Variants in KIRREL3 observed in about 807,000 individuals in gnomAD.
KIRREL3 encodes the protein kirre like nephrin family adhesion molecule 3.
Under a neutral mutation model 89.7 loss-of-function variants are expected in KIRREL3, and 36 were observed. The ratio of observed to expected loss-of-function variants is 0.40; its 90% CI spans 0.31 to 0.53. KIRREL3 has a LOEUF of 0.53. KIRREL3 is among the 20% of genes least tolerant of loss of function. The pLI is 0.49. For missense variants in KIRREL3, 864 were observed against 1,056.6 expected (o/e 0.82, Z 2.53); for synonymous variants, 445 against 441.4 (o/e 1.01, Z -0.10).
Position 126,430,211 on chromosome 11 carries a change from G to A in KIRREL3, c.1697-923C>T, listed in dbSNP as rs1290038768. On this transcript the variant is annotated intron_variant, in intron 14 of 16. Transcript: ENST00000525144. This position sits in a 1 kb window ranked among gnomAD's most constrained non-coding sequence, Gnocchi z 6.6. ...TGTAATCCCAGCACATTGGGAGGCCGAGGAAGGCGGACCACTTGAGGCCAG... is the reference window on the plus strand; with the variant it reads ...TGTAATCCCAGCACATTGGGAGGCCAAGGAAGGCGGACCACTTGAGGCCAG... Among the ~76,000 whole-genome samples the A allele has an allele frequency of 7.2e-5, 11 of 151,816 alleles. No homozygotes were observed. The highest frequency in any genetic ancestry group is 2.0e-4 in the Admixed American group (3 of 15,262).
chr11:126,490,963 AG>A lies in KIRREL3; in HGVS notation c.434-17498del, dbSNP rs1289209176. ...GGATCCACAGCCCACCTGCACGAGGAGGGGGCGTTTGGAGGGTGGAGGAGAG... is the reference window on the plus strand; with the variant it reads ...GGATCCACAGCCCACCTGCACGAGGAGGGGCGTTTGGAGGGTGGAGGAGAG... On this transcript the variant is annotated intron_variant, in intron 4 of 16. Coordinates refer to ENST00000525144, the MANE Select transcript of KIRREL3 (RefSeq NM_032531.4). The surrounding 1 kb of genome is among the most constrained non-coding windows in gnomAD (Gnocchi z 4.2). Among the ~76,000 whole-genome samples, 2 of 152,082 alleles carry A rather than the reference AG, an allele frequency of 1.3e-5. No homozygotes were observed. Among genetic ancestry groups the A allele is most frequent in the African/African-American group, 4.8e-5 (2 of 41,402 alleles).
chr11:126,540,943 G>T (rs902755244), intron 2 of KIRREL3, among the ~76,000 whole-genome samples: 1 of 152,190 alleles, frequency 6.6e-6, no homozygotes, highest in African/African-American at 2.4e-5. Context: ...CACTGAGCCG[G>T]CACCTTGGGA....
chr11:126,837,084 C>T lies in KIRREL3; in HGVS notation c.55+163371G>A, dbSNP rs575893451. ...GAACTAACAAACAGCTTCAGAGTAG[C>T]GTGGTTTAGAGGAAAGAATAGAACT... On this transcript the variant is annotated intron_variant, in intron 1 of 16. Transcript: ENST00000525144. The surrounding 1 kb of genome is among the most constrained non-coding windows in gnomAD (Gnocchi z 4.7). Among the ~76,000 whole-genome samples the T allele has an allele frequency of 9.3e-4, 142 of 152,118 alleles. 2 individuals carry two copies. The highest frequency in any genetic ancestry group is 3.0e-3 in the African/African-American group (126 of 41,480).
chr11:126,492,991 G>A lies in KIRREL3; in HGVS notation c.434-19525C>T, dbSNP rs1347823579. On this transcript the variant is annotated intron_variant, in intron 4 of 16. Coordinates refer to ENST00000525144, the MANE Select transcript of KIRREL3 (RefSeq NM_032531.4). This position sits in a 1 kb window ranked among gnomAD's most constrained non-coding sequence, Gnocchi z 4.8. The stretch of plus-strand genomic sequence containing the variant: ...AAGGCCGTAGAACAGCCTCGGTGCT[G>A]CGGCTAACTGACAGGGGGCAGGAAT... Among the ~76,000 whole-genome samples, 2 of 152,240 alleles carry A rather than the reference G, an allele frequency of 1.3e-5. No homozygotes were observed. Among genetic ancestry groups the A allele is most frequent in the Non-Finnish European group, 2.9e-5 (2 of 68,044 alleles).
rs1445404570 is a variant in KIRREL3 at position 126,475,378 on chromosome 11, G to C, written c.434-1912C>G. Among the ~76,000 whole-genome samples the C allele has an allele frequency of 2.0e-5, 3 of 152,256 alleles. No homozygotes were observed. Among genetic ancestry groups the C allele is most frequent in the Non-Finnish European group, 2.9e-5 (2 of 68,044 alleles). ...TTCTGTGAAAGCTCCAGGAGGGACA[G>C]GAAGCCCCAGTGGGGGCCGGTAAGA... On this transcript the variant is annotated intron_variant, in intron 4 of 16. Transcript: ENST00000525144. The surrounding 1 kb of genome is among the most constrained non-coding windows in gnomAD (Gnocchi z 7.5).
rs886603570 is a variant in KIRREL3 at position 126,677,502 on chromosome 11, A to G, written c.56-114590T>C. On this transcript the variant is annotated intron_variant, in intron 1 of 16. Transcript: ENST00000525144. The surrounding 1 kb of genome is among the most constrained non-coding windows in gnomAD (Gnocchi z 5.1). Reference sequence around the variant, plus strand: ...AAGCCAGCCTTATCAACCCCATTTTAGTTGAGAGTGCTGAGGTTCGGAGGT... The same window carrying G: ...AAGCCAGCCTTATCAACCCCATTTTGGTTGAGAGTGCTGAGGTTCGGAGGT... Among the ~76,000 whole-genome samples, 1 of 152,066 alleles carries G rather than the reference A, an allele frequency of 6.6e-6. No homozygotes were observed. The highest frequency in any genetic ancestry group is 1.5e-5 in the Non-Finnish European group (1 of 68,010).
intron 4 of KIRREL3, among the ~76,000 whole-genome samples, chr11:126,510,363 C>CT (rs1958177809): frequency 6.6e-6 from 1 of 152,126 alleles, no homozygotes; most frequent in African/African-American, 2.4e-5. Context: ...AAGCTTACTA[C>CT]TTAACTGAAC....
chr11:126,692,509 C>T (rs1230966739), intron 1 of KIRREL3, among the ~76,000 whole-genome samples: 1 of 115,148 alleles, frequency 8.7e-6, no homozygotes, highest in Non-Finnish European at 1.6e-5. Flanking sequence ...TGCACCAATG[C>T]ACTCCAGCCT....
In KIRREL3 at chr11:126,811,329, C is replaced by T. The variant is rs145839944; in HGVS notation, c.55+189126G>A. The stretch of plus-strand genomic sequence containing the variant: ...GAACCGAGTGACTGTTATGGAGCTA[C>T]GAGGTCCTTGTCTGAATTCTCCGTG... On this transcript the variant is annotated intron_variant, in intron 1 of 16. Coordinates refer to ENST00000525144, the MANE Select transcript of KIRREL3 (RefSeq NM_032531.4). This position sits in a 1 kb window ranked among gnomAD's most constrained non-coding sequence, Gnocchi z 4.3. Among the ~76,000 whole-genome samples, 27 of 152,304 alleles carry T rather than the reference C, an allele frequency of 1.8e-4. No individual in the cohort carries two copies. In the East Asian group the frequency reaches 4.3e-3, roughly 24 times the overall value.
chr11:126,448,322 G>T (rs1955903950), intron 8 of KIRREL3, among the ~76,000 whole-genome samples: 1 of 151,272 alleles, frequency 6.6e-6, no homozygotes, highest in Non-Finnish European at 1.5e-5. Flanking sequence ...GAAAAAGAAG[G>T]TACGTCCGTG....
chr11:126,573,855 C>G (rs1480749632), intron 1 of KIRREL3, among the ~76,000 whole-genome samples: 1 of 151,992 alleles, frequency 6.6e-6, no homozygotes, highest in East Asian at 1.9e-4. Flanking sequence ...AGCAGATCCG[C>G]GGGGGGACCT....
At chr11:126,810,736 T>C (rs1291281827) in intron 1 of KIRREL3, among the ~76,000 whole-genome samples, 2 of 152,148 alleles carry the variant, frequency 1.3e-5, no homozygotes, top group Non-Finnish European at 2.9e-5. Flanking sequence ...AAAATGGGCA[T>C]CTGTTTGGAG....
Position 126,996,158 on chromosome 11 carries a change from C to T in KIRREL3, c.55+4297G>A, listed in dbSNP as rs180868279. Among the ~76,000 whole-genome samples the T allele has an allele frequency of 3.0e-4, 45 of 152,292 alleles. No homozygotes were observed. Among genetic ancestry groups the T allele is most frequent in the Non-Finnish European group, 5.4e-4 (37 of 68,018 alleles). On this transcript the variant is annotated intron_variant, in intron 1 of 16. Coordinates refer to ENST00000525144, the MANE Select transcript of KIRREL3 (RefSeq NM_032531.4). This position sits in a 1 kb window ranked among gnomAD's most constrained non-coding sequence, Gnocchi z 4.7. ...ACAGACATGCCCCAGTTTCCCCACC[C>T]GAAGATTTGTTAAAGAAGTGGTCCC... is the stretch of plus-strand genomic sequence containing the variant.
rs939455664 is a variant in KIRREL3, at chr11:126,946,640, G to C, written c.55+53815C>G. On this transcript the variant is annotated intron_variant, in intron 1 of 16. Coordinates refer to ENST00000525144, the MANE Select transcript of KIRREL3 (RefSeq NM_032531.4). This position sits in a 1 kb window ranked among gnomAD's most constrained non-coding sequence, Gnocchi z 4.1. ...AAAATATGTCCCAATATCCATAACA[G>C]GAAGGACATTACTTCATAATAAGAT... 3.3e-5 allele frequency among the ~76,000 whole-genome samples: 5 copies of C among 152,072 alleles called. No homozygotes were observed. The East Asian group carries it at 9.6e-4, about 29-fold the overall frequency.
chr11:126,923,280 TCCTTC>T (rs1447503712), intron 1 of KIRREL3, among the ~76,000 whole-genome samples: 1 of 129,094 alleles, frequency 7.7e-6, no homozygotes, highest in East Asian at 2.3e-4. Context: ...CTTCTCCTTC[TCCTTC>T]TCCTTCTCCT....
At chr11:126,933,218 C>T (rs1948029811) in intron 1 of KIRREL3, among the ~76,000 whole-genome samples, 1 of 152,124 alleles carries the variant, frequency 6.6e-6, no homozygotes, top group African/African-American at 2.4e-5. Flanking sequence ...AACAATACTC[C>T]ATCTCCTGTC....
intron 1 of KIRREL3, among the ~76,000 whole-genome samples, chr11:126,787,381 C>T (rs1401031742): frequency 6.6e-6 from 1 of 152,164 alleles, no homozygotes; most frequent in African/African-American, 2.4e-5. Flanking sequence ...TAATTTAAAT[C>T]ATTGCCAAAT....
rs1444061649 is a variant in KIRREL3, at chr11:126,807,520, T to C, written c.55+192935A>G. Among the ~76,000 whole-genome samples, 1 of 152,122 alleles carries C rather than the reference T, an allele frequency of 6.6e-6. No individual in the cohort carries two copies. The highest frequency in any genetic ancestry group is 2.4e-5 in the African/African-American group (1 of 41,404). On this transcript the variant is annotated intron_variant, in intron 1 of 16. Coordinates refer to ENST00000525144, the MANE Select transcript of KIRREL3 (RefSeq NM_032531.4). This position sits in a 1 kb window ranked among gnomAD's most constrained non-coding sequence, Gnocchi z 4.3. Reference sequence around the variant, plus strand: ...TAAAAATATAAAAAGTCACCCCAAATCTCCCAGTGATATGTGCACCACGGT... The same window carrying C: ...TAAAAATATAAAAAGTCACCCCAAACCTCCCAGTGATATGTGCACCACGGT...
chr11:126,732,967 T>G (rs995563513), intron 1 of KIRREL3, among the ~76,000 whole-genome samples: 4 of 152,184 alleles, frequency 2.6e-5, no homozygotes, highest in Non-Finnish European at 5.9e-5. Context: ...AAGACTTTGG[T>G]GAAATGCAAT....
Sources: allele counts gnomAD v4.1 joint callset (sites outside exome capture counted in the v4.1 genomes callset), GRCh38; gene constraint gnomAD v4.1.1; non-coding constraint Gnocchi (gnomAD v3.1); transcripts MANE v1.5; gene names NCBI Gene and HGNC (gene_info 2026-07-23, HGNC 2026-07-21).